Variants in PABPC4L observed in about 807,000 individuals in gnomAD.
The protein encoded by PABPC4L is poly(A) binding protein cytoplasmic 4 like.
For missense variants in PABPC4L, 452 were observed against 451.4 expected (o/e 1.00, Z -0.01); for synonymous variants, 169 against 164.1 (o/e 1.03, Z -0.23).
the PABPC4L span, among the ~76,000 whole-genome samples, chr4:134,061,068 TAA>T: frequency 2.8e-3 from 422 of 152,106 alleles, 2 homozygotes; most frequent in African/African-American, 9.9e-3. Context: ...TAAAAATAAC[TAA>T]AAGAGTATAA....
At chr4:134,184,833 A>G in the PABPC4L span, among the ~76,000 whole-genome samples, 1 of 152,032 alleles carries the variant, frequency 6.6e-6, no homozygotes. Context: ...TCCTATTGTT[A>G]TACATCCCTT....
chr4:134,187,780 A>T, the PABPC4L span, among the ~76,000 whole-genome samples: 35 of 151,696 alleles, frequency 2.3e-4, no homozygotes, highest in Non-Finnish European at 4.1e-4. Flanking sequence ...TCTTCTCTTT[A>T]CTTGCTTCAT....
chr4:134,000,074 A>G, the PABPC4L span, among the ~76,000 whole-genome samples: 13 of 152,260 alleles, frequency 8.5e-5, no homozygotes, highest in African/African-American at 2.4e-4. Context: ...GTGAAGATTC[A>G]CATGTGTTTA....
the PABPC4L span, among the ~76,000 whole-genome samples, chr4:134,169,130 T>C: frequency 6.6e-6 from 1 of 152,034 alleles, no homozygotes; most frequent in African/African-American, 2.4e-5. Flanking sequence ...TTCCCGTAAA[T>C]GCAAGGATGA....
At chr4:134,131,921 AG>A in the PABPC4L span, among the ~76,000 whole-genome samples, 1 of 151,972 alleles carries the variant, frequency 6.6e-6, no homozygotes, top group African/African-American at 2.4e-5. Context: ...AAATACCTAC[AG>A]CTAACTCATC....
chr4:133,988,138 C>G, the PABPC4L span, among the ~76,000 whole-genome samples: 10 of 152,264 alleles, frequency 6.6e-5, no homozygotes, highest in Non-Finnish European at 1.2e-4. Flanking sequence ...CTACACAATT[C>G]AAGATGATAT....
At chr4:134,031,232 A>C in the PABPC4L span, among the ~76,000 whole-genome samples, 1 of 151,938 alleles carries the variant, frequency 6.6e-6, no homozygotes, top group African/African-American at 2.4e-5. Context: ...GTCCGCCATA[A>C]ACTCCTTTCA....
chr4:134,147,221 A>C, the PABPC4L span, among the ~76,000 whole-genome samples: 1 of 152,086 alleles, frequency 6.6e-6, no homozygotes, highest in African/African-American at 2.4e-5. Context: ...TTTTAATCAC[A>C]TGTTGGCCAA....
At chr4:134,148,509 G>A in the PABPC4L span, among the ~76,000 whole-genome samples, 6 of 152,018 alleles carry the variant, frequency 3.9e-5, no homozygotes, top group Non-Finnish European at 8.8e-5. Flanking sequence ...CTCAACTTGT[G>A]TCAGCAGTTC....
At chr4:133,986,834 C>T in the PABPC4L span, among the ~76,000 whole-genome samples, 279 of 151,656 alleles carry the variant, frequency 1.8e-3, no homozygotes, top group African/African-American at 6.4e-3. Context: ...CTCCTGGGTT[C>T]AAGGAATTCT....
chr4:134,163,077 C>T, the PABPC4L span, among the ~76,000 whole-genome samples: 7 of 151,902 alleles, frequency 4.6e-5, no homozygotes, highest in Admixed American at 1.3e-4. Flanking sequence ...AAAGGTGGTT[C>T]TTATAAATAA....
At chr4:134,104,854 A>G in the PABPC4L span, among the ~76,000 whole-genome samples, 16 of 151,920 alleles carry the variant, frequency 1.1e-4, no homozygotes, top group East Asian at 1.6e-3. Context: ...CTACACAAAA[A>G]TATTTGTTAT....
the PABPC4L span, among the ~76,000 whole-genome samples, chr4:133,988,409 C>T: frequency 1.3e-5 from 2 of 152,318 alleles, no homozygotes; most frequent in South Asian, 4.1e-4. Context: ...AATACATCCA[C>T]TCCAAATTGG....
chr4:134,153,543 A>G, the PABPC4L span, among the ~76,000 whole-genome samples: 1 of 152,296 alleles, frequency 6.6e-6, no homozygotes, highest in East Asian at 1.9e-4. Flanking sequence ...ATTTAATGTG[A>G]ATAAGGGTCA....
chr4:134,083,459 C>T, the PABPC4L span, among the ~76,000 whole-genome samples: 2 of 152,050 alleles, frequency 1.3e-5, no homozygotes, highest in African/African-American at 4.8e-5. Flanking sequence ...CTCTCAGATA[C>T]ATTTTTAAAT....
the PABPC4L span, among the ~76,000 whole-genome samples, chr4:134,018,572 T>C: frequency 6.6e-6 from 1 of 152,184 alleles, no homozygotes; most frequent in African/African-American, 2.4e-5. Flanking sequence ...TCATATGTAC[T>C]TTCACCCTTC....
At chr4:134,182,936 T>C in the PABPC4L span, among the ~76,000 whole-genome samples, 1 of 151,768 alleles carries the variant, frequency 6.6e-6, no homozygotes, top group Non-Finnish European at 1.5e-5. Context: ...AAATGAGTAT[T>C]ATTAAAAAGT....
the PABPC4L span, among the ~76,000 whole-genome samples, chr4:134,056,100 C>T: frequency 3.3e-5 from 5 of 151,760 alleles, no homozygotes; most frequent in East Asian, 9.7e-4. Context: ...GCTTTTGCAC[C>T]TTTGTAAAAA....
At chr4:134,080,021 C>T in the PABPC4L span, among the ~76,000 whole-genome samples, 4 of 151,662 alleles carry the variant, frequency 2.6e-5, no homozygotes, top group South Asian at 6.2e-4. Flanking sequence ...TACTTTTAAC[C>T]TACAGACATA....
Sources: gnomAD v4.1 joint callset for allele counts (sites outside exome capture counted in the v4.1 genomes callset) on GRCh38, gnomAD v4.1.1 for gene constraint, MANE v1.5 for transcripts, NCBI Gene and HGNC (gene_info 2026-07-23, HGNC 2026-07-21) for gene names.